Variants in PKHD1 observed in about 807,000 individuals in gnomAD.
PKHD1 encodes fibrocystin.
In PKHD1, 291 loss-of-function variants were observed where a neutral mutation model predicts 412.0. That is an observed-to-expected ratio of 0.71 (90% confidence interval 0.64 to 0.78). PKHD1 has a LOEUF of 0.78. Ranked by LOEUF, PKHD1 falls within the 30% of genes least tolerant of loss-of-function variation. The pLI, the probability that PKHD1 is intolerant of heterozygous loss-of-function variation, is 0.00. For missense variants in PKHD1, 4,825 were observed against 4,950.7 expected (o/e 0.97, Z 0.76); for synonymous variants, 1,777 against 1,821.5 (o/e 0.98, Z 0.62).
intron 31 of PKHD1, among the ~76,000 whole-genome samples, chr6:52,026,756 T>C (rs1189133730): frequency 1.3e-5 from 2 of 152,216 alleles, no homozygotes; most frequent in Admixed American, 6.5e-5. Context: ...CATTGAATCT[T>C]GCTGGTGAAT....
intron 15 of PKHD1, 95 bp downstream of exon 15, chr6:52,059,833 T>G: frequency 1.3e-6 from 1 of 742,788 alleles, no homozygotes; most frequent in Non-Finnish European, 2.5e-6. Flanking sequence ...TGTTAAACTA[T>G]CTGTAAAACA....
At chr6:51,830,762 T>G in intron 52 of PKHD1, 99 bp downstream of exon 52, 1 of 1,223,864 alleles carries the variant, frequency 8.2e-7, no homozygotes, top group Non-Finnish European at 1.2e-6. Flanking sequence ...CCTACTTATT[T>G]CCAAACTCTT....
At chr6:51,694,014 T>C (rs1232970163) in intron 60 of PKHD1, among the ~76,000 whole-genome samples, 2 of 152,126 alleles carry the variant, frequency 1.3e-5, no homozygotes, top group South Asian at 2.1e-4. Flanking sequence ...AAACAATTAG[T>C]TAAGTTTCTT....
chr6:51,859,086 T>C (rs1051627267), intron 48 of PKHD1, among the ~76,000 whole-genome samples: 1 of 152,176 alleles, frequency 6.6e-6, no homozygotes, highest in African/African-American at 2.4e-5. Context: ...TCTGCAATCC[T>C]AGTCAAGTGC....
intron 60 of PKHD1, among the ~76,000 whole-genome samples, chr6:51,670,677 G>A (rs1774785211): frequency 6.6e-6 from 1 of 152,032 alleles, no homozygotes. Context: ...ATTTTGCAGA[G>A]GCTGGTACCA....
Position 51,842,728 on chromosome 6 carries a change from T to C in PKHD1, c.8107+5047A>G, listed in dbSNP as rs112728779. On this transcript the variant is annotated intron_variant, in intron 50 of 66. Coordinates refer to ENST00000371117, the MANE Select transcript of PKHD1 (RefSeq NM_138694.4). The stretch of plus-strand genomic sequence containing the variant: ...GAAGACCTCCTCCTGGCCACCCCCC[T>C]ACAAGTGGCCATTGTGAGTGGAAAG... 4.5e-3 allele frequency among the ~76,000 whole-genome samples: 689 copies of C among 152,256 alleles called. 4 individuals carry two copies. Among genetic ancestry groups the C allele is most frequent in the South Asian group, 0.014 (67 of 4,816 alleles).
intron 60 of PKHD1, among the ~76,000 whole-genome samples, chr6:51,710,951 C>T (rs1366200805): frequency 5.9e-5 from 9 of 152,112 alleles, no homozygotes; most frequent in African/African-American, 2.2e-4. Flanking sequence ...GTATCAGGTA[C>T]CTCTTGTGTG....
At chr6:52,045,948 T>TG (rs1805733365) in intron 24 of PKHD1, 56 bp downstream of exon 24, 2 of 1,190,272 alleles carry the variant, frequency 1.7e-6, no homozygotes, top group Non-Finnish European at 1.3e-6. Flanking sequence ...TTTTTTTTTT[T>TG]GCAGAATTTC....
At chr6:52,074,966 C>G (rs927465572) in intron 6 of PKHD1, among the ~76,000 whole-genome samples, 5 of 152,190 alleles carry the variant, frequency 3.3e-5, no homozygotes, top group Admixed American at 2.0e-4. Context: ...CAGATCTGGG[C>G]GCCAGCTGAC....
At chr6:51,999,818 T>C (rs1798136918) in intron 35 of PKHD1, among the ~76,000 whole-genome samples, 1 of 152,188 alleles carries the variant, frequency 6.6e-6, no homozygotes, top group African/African-American at 2.4e-5. Context: ...ATGTCTAGTA[T>C]AGAACCACAT....
chr6:51,666,994 G>A (rs1196997271), intron 60 of PKHD1, among the ~76,000 whole-genome samples: 95 of 149,088 alleles, frequency 6.4e-4, no homozygotes, highest in African/African-American at 1.9e-3. Flanking sequence ...GAATAATGCC[G>A]CAATAAACAT....
chr6:51,713,555 T>C (rs1780897084), intron 60 of PKHD1, among the ~76,000 whole-genome samples: 5 of 152,218 alleles, frequency 3.3e-5, no homozygotes, highest in African/African-American at 1.2e-4. Context: ...AATCTAGCTT[T>C]GATTTTTGCA....
chr6:51,815,884 T>C (rs573888083), intron 52 of PKHD1, among the ~76,000 whole-genome samples: 1 of 152,368 alleles, frequency 6.6e-6, no homozygotes, highest in African/African-American at 2.4e-5. Flanking sequence ...GTAAAATTTC[T>C]CACTTTATAT....
At chr6:51,926,809 T>C (rs140485971) in intron 37 of PKHD1, among the ~76,000 whole-genome samples, 1 of 152,298 alleles carries the variant, frequency 6.6e-6, no homozygotes, top group East Asian at 1.9e-4. Flanking sequence ...TTTGAAGTAT[T>C]GTTAGACAGA....
At chr6:51,809,589 GAA>G (rs1764373753) in intron 52 of PKHD1, among the ~76,000 whole-genome samples, 1 of 151,884 alleles carries the variant, frequency 6.6e-6, no homozygotes, top group African/African-American at 2.4e-5. Flanking sequence ...AGGCTTACTT[GAA>G]TTTATAAATC....
chr6:51,967,977 C>T (rs1007324162), intron 35 of PKHD1, among the ~76,000 whole-genome samples: 1 of 152,122 alleles, frequency 6.6e-6, no homozygotes, highest in African/African-American at 2.4e-5. Flanking sequence ...CTGCTATGAA[C>T]GTTTGACAGC....
chr6:51,636,305 G>C (rs1252573317), intron 64 of PKHD1, among the ~76,000 whole-genome samples: 1 of 152,068 alleles, frequency 6.6e-6, no homozygotes, highest in South Asian at 2.1e-4. Context: ...GGGGACTAAT[G>C]CCTATAATGC....
At chr6:51,821,737 CG>C (rs1340275849) in intron 52 of PKHD1, among the ~76,000 whole-genome samples, 1 of 152,144 alleles carries the variant, frequency 6.6e-6, no homozygotes, top group African/African-American at 2.4e-5. Flanking sequence ...TTTTTTGAGA[CG>C]GAGTCTCGCT....
chr6:51,988,554 C>T lies in PKHD1; in HGVS notation c.5751+21755G>A, dbSNP rs111623185. Among the ~76,000 whole-genome samples, 705 of 152,296 alleles carry T rather than the reference C, an allele frequency of 4.6e-3. 6 individuals carry two copies. The highest frequency in any genetic ancestry group is 0.016 in the African/African-American group (663 of 41,544). On this transcript the variant is annotated intron_variant, in intron 35 of 66. Transcript: ENST00000371117. ...TTATTTCTGTACTCTGCAAGTAGCA[C>T]GTTCCAGTTTTCTATGCGAGCCTTT...
Sources: gnomAD v4.1 joint callset for allele counts (sites outside exome capture counted in the v4.1 genomes callset) on GRCh38, gnomAD v4.1.1 for gene constraint, MANE v1.5 for transcripts, NCBI Gene and HGNC (gene_info 2026-07-23, HGNC 2026-07-21) for gene names.